The following ZNF652 variants were observed in gnomAD, a reference collection of about 807,000 sequenced individuals.
The protein encoded by ZNF652 is zinc finger protein 652.
In ZNF652, 16 loss-of-function variants were observed where a neutral mutation model predicts 45.2. That is an observed-to-expected ratio of 0.35 (90% CI 0.24 to 0.54). The LOEUF is 0.54. Ranked by LOEUF, ZNF652 falls within the 20% of genes least tolerant of loss-of-function variation. The pLI is 0.91. For synonymous variants in ZNF652, 250 were observed against 260.6 expected, an observed-to-expected ratio of 0.96 and a Z score of 0.39; for missense variants, 614 against 765.6, an observed-to-expected ratio of 0.80 and a Z score of 2.34.
Position 49,317,017 on chromosome 17 carries a change from C to T in ZNF652, c.709G>A (p.Ala237Thr), listed in dbSNP as rs773367041. The change falls in exon 2 of 6, where the codon GCT (alanine) becomes ACT (threonine). Residue 237 changes from alanine to threonine, a missense_variant. Ala to Thr is a moderately conservative substitution (Grantham distance 58). Transcript: ENST00000430262. The part of the protein sequence containing the change: ...TKEPKAPVQK[A>T]KCEEKETLTC... Reference sequence around the variant, plus strand: ...AGAGTCTCTTTCTCTTCACACTTAGCTTTCTGGACTGGTGCTTTGGGCTCC... The same window carrying T: ...AGAGTCTCTTTCTCTTCACACTTAGTTTTCTGGACTGGTGCTTTGGGCTCC... 23 of 1,614,048 alleles carry T rather than the reference C, an allele frequency of 1.4e-5. No homozygotes were observed. Among genetic ancestry groups the T allele is most frequent in the Non-Finnish European group, 1.9e-5 (22 of 1,180,044 alleles).
At chr17:49,339,794 C>T (rs1272383291) in intron 1 of ZNF652, among the ~76,000 whole-genome samples, 4 of 152,238 alleles carry the variant, frequency 2.6e-5, no homozygotes, top group Non-Finnish European at 5.9e-5. Flanking sequence ...ATTGTTCCTG[C>T]CACACGACCA....
chr17:49,317,228 G>A lies in ZNF652; in HGVS notation c.498C>T (p.Ser166=). The change falls in exon 2 of 6, where the codon AGC becomes AGT. Residue 166 remains serine, a synonymous_variant. Coordinates refer to ENST00000430262, the MANE Select transcript of ZNF652 (RefSeq NM_001145365.3). ...GCTTTTCATTCTCTCCATAGTCATT[G>A]CTGTCATCTGTGGCCTCTTCCTCAC... ...EESEEEATDD[S]NDYGENEKQK... The A allele has an allele frequency of 6.2e-7, 1 of 1,613,236 alleles. No individual in the cohort carries two copies. The highest frequency in any genetic ancestry group is 8.5e-7 in the Non-Finnish European group (1 of 1,180,006).
chr17:49,351,375 T>TA lies in ZNF652; in HGVS notation c.-259+10533dup, dbSNP rs140318118. 8.7e-4 allele frequency among the ~76,000 whole-genome samples: 133 copies of TA among 152,040 alleles called. 2 individuals are homozygous for TA. In the East Asian group the frequency reaches 0.025, roughly 28 times the overall value. ...ATTCACCACCAGAAGATGGTAAGTA[T>TA]AAAAAAAGTGTATACAAGAACATTC... On this transcript the variant is annotated intron_variant, in intron 1 of 5. Transcript: ENST00000430262.
At chr17:49,323,377 C>A (rs1267903404) in intron 1 of ZNF652, among the ~76,000 whole-genome samples, 6 of 152,218 alleles carry the variant, frequency 3.9e-5, no homozygotes, top group African/African-American at 7.2e-5. Flanking sequence ...GTTGCTATTT[C>A]CACCACATCT....
In ZNF652 at chr17:49,336,111, G is replaced by A. The variant is rs908831615; in HGVS notation, c.-258-18128C>T. Among the ~76,000 whole-genome samples, 185 of 151,704 alleles carry A rather than the reference G, an allele frequency of 1.2e-3. 1 individual carries two copies. Among genetic ancestry groups the A allele is most frequent in the Non-Finnish European group, 1.2e-4 (8 of 67,936 alleles). ...GCAGTCTTGGCTCACTGCAACCTCCGCCTCCTGGGTTCAAGCAATTCTCCT... is the reference window on the plus strand; with the variant it reads ...GCAGTCTTGGCTCACTGCAACCTCCACCTCCTGGGTTCAAGCAATTCTCCT... On this transcript the variant is annotated intron_variant, in intron 1 of 5. Transcript: ENST00000430262.
Position 49,291,643 on chromosome 17 carries a change from T to C in ZNF652, c.*6770A>G, listed in dbSNP as rs2069405844. 1.3e-5 allele frequency: 2 copies of C among 152,178 alleles called. No homozygotes were observed. The highest frequency in any genetic ancestry group is 1.3e-4 in the Admixed American group (2 of 15,276). The allele number at this position is 152,178 out of a possible 1,614,324, so 9.4% of individuals were successfully genotyped here. On this transcript the variant is annotated 3_prime_UTR_variant, in exon 6 of 6. Transcript: ENST00000430262. ...ACAGCAGGCTGTCTCAAGGATGTGG[T>C]TCCTCCAAGTGACAAGCAAGTACAG... is the stretch of plus-strand genomic sequence containing the variant.
chr17:49,324,770 C>T (rs2069938754), intron 1 of ZNF652, among the ~76,000 whole-genome samples: 1 of 110,228 alleles, frequency 9.1e-6, no homozygotes, highest in African/African-American at 3.7e-5. Context: ...GATGGAGTTT[C>T]ACTCTTGTCA....
intron 1 of ZNF652, among the ~76,000 whole-genome samples, chr17:49,356,069 A>C (rs2070333011): frequency 6.6e-6 from 1 of 152,030 alleles, no homozygotes; most frequent in Admixed American, 6.6e-5. Context: ...GGTCTTTGAG[A>C]ATGTGCTAAA....
Position 49,312,813 on chromosome 17 carries a change from G to C in ZNF652, c.933C>G (p.Leu311=). 6.2e-7 allele frequency: 1 copy of C among 1,613,970 alleles called. No individual in the cohort carries two copies. The highest frequency in any genetic ancestry group is 1.7e-5 in the Admixed American group (1 of 60,002). Residue 311 remains leucine, a synonymous_variant, in exon 3 of 6, where the codon CTC becomes CTG. Coordinates refer to ENST00000430262, the MANE Select transcript of ZNF652 (RefSeq NM_001145365.3). ...TCTTGATATGTTCATGAAGGGACCA[G>C]AGTTTCTTGAACGATTTGTTACAGG... ...CVSCNKSFKK[L]WSLHEHIKIV...
At chr17:49,352,196 T>C (rs544305195) in intron 1 of ZNF652, among the ~76,000 whole-genome samples, 217 of 152,330 alleles carry the variant, frequency 1.4e-3, no homozygotes, top group African/African-American at 5.0e-3. Flanking sequence ...TAAATATATA[T>C]ACTACTAATA....
intron 1 of ZNF652, among the ~76,000 whole-genome samples, chr17:49,346,578 A>G (rs1334123715): frequency 1.3e-5 from 2 of 152,150 alleles, no homozygotes; most frequent in Non-Finnish European, 2.9e-5. Context: ...TACTATTCCT[A>G]TAGGGCCACA....
intron 1 of ZNF652, among the ~76,000 whole-genome samples, chr17:49,341,198 A>G (rs1222665925): frequency 1.3e-5 from 2 of 152,106 alleles, no homozygotes; most frequent in Non-Finnish European, 1.5e-5. Context: ...AGACTGGGTG[A>G]CAGAGCGAGA....
chr17:49,320,085 T>C (rs2143812957), intron 1 of ZNF652, among the ~76,000 whole-genome samples: 1 of 152,298 alleles, frequency 6.6e-6, no homozygotes, highest in South Asian at 2.1e-4. Flanking sequence ...CTTGTCTTTC[T>C]CTATAGTTTT....
chr17:49,341,578 C>T lies in ZNF652; in HGVS notation c.-259+20331G>A, dbSNP rs577965692. On this transcript the variant is annotated intron_variant, in intron 1 of 5. Coordinates refer to ENST00000430262, the MANE Select transcript of ZNF652 (RefSeq NM_001145365.3). ...ACTCAGGAGACTGAGAAGGAAGGAT[C>T]GCTTGAGCCAGGGAGGTCAAGGCTC... Among the ~76,000 whole-genome samples, 26 of 150,754 alleles carry T rather than the reference C, an allele frequency of 1.7e-4. 1 individual carries two copies. Among genetic ancestry groups the T allele is most frequent in the Non-Finnish European group, 2.6e-4 (18 of 67,934 alleles).
At chr17:49,336,355 A>C in intron 1 of ZNF652, among the ~76,000 whole-genome samples, 2 of 118,404 alleles carry the variant, frequency 1.7e-5, no homozygotes, top group African/African-American at 3.4e-5. Flanking sequence ...ACAGAGTCTC[A>C]CTCTGTCACC....
At chr17:49,336,125 A>C (rs1376642851) in intron 1 of ZNF652, among the ~76,000 whole-genome samples, 2 of 151,980 alleles carry the variant, frequency 1.3e-5, no homozygotes, top group African/African-American at 4.8e-5. Flanking sequence ...CCTGGGTTCA[A>C]GCAATTCTCC....
intron 1 of ZNF652, among the ~76,000 whole-genome samples, chr17:49,358,218 C>T (rs998637025): frequency 1.3e-5 from 2 of 152,160 alleles, no homozygotes; most frequent in East Asian, 3.8e-4. Flanking sequence ...GGTTTTAAAT[C>T]GAGTTATGCC....
intron 1 of ZNF652, among the ~76,000 whole-genome samples, chr17:49,344,061 T>A (rs2070178326): frequency 6.6e-6 from 1 of 151,424 alleles, no homozygotes; most frequent in Non-Finnish European, 1.5e-5. Context: ...ATTAGCCGGG[T>A]GTGGTGGCGG....
rs1278773464 is a variant in ZNF652 at position 49,317,600 on chromosome 17, T to C, written c.126A>G (p.Gln42=). 1 of 1,614,152 alleles carries C rather than the reference T, an allele frequency of 6.2e-7. No homozygotes were observed. Residue 42 remains glutamine (Q), a synonymous_variant, in exon 2 of 6, where the codon CAA becomes CAG. Coordinates refer to ENST00000430262, the MANE Select transcript of ZNF652 (RefSeq NM_001145365.3). ...ACACTTTGGTGGACAGGTCAAGTTC[T>C]TGGTTGGCACCATGATAAAAGGAAG... is the stretch of plus-strand genomic sequence containing the variant. ...VPSSFYHGAN[Q]ELDLSTKVYK... is the part of the protein sequence containing the mutation.
Sources: gnomAD v4.1 joint callset for allele counts (sites outside exome capture counted in the v4.1 genomes callset) on GRCh38, gnomAD v4.1.1 for gene constraint, MANE v1.5 for transcripts, NCBI Gene and HGNC (gene_info 2026-07-23, HGNC 2026-07-21) for gene names.